Variants in GCNT2 observed in about 807,000 individuals in gnomAD.
GCNT2 encodes glucosaminyl (N-acetyl) transferase 2 (I blood group).
Under a neutral mutation model 34.2 loss-of-function variants are expected in GCNT2, and 34 were observed. The ratio of observed to expected loss-of-function variants is 1.00; its 90% confidence interval spans 0.76 to 1.32. The LOEUF (loss-of-function observed/expected upper bound fraction) is 1.32. Ranked by LOEUF, GCNT2 falls within the 40% of genes most tolerant of loss-of-function variation. The probability of loss-of-function intolerance (pLI) is 0.00; values close to 1 mark genes in which losing one functional copy is unlikely to be tolerated. For synonymous variants in GCNT2, 212 were observed against 188.0 expected, an observed-to-expected ratio of 1.13 and a Z score of -1.04; for missense variants, 584 against 489.4, an observed-to-expected ratio of 1.19 and a Z score of -1.82.
intron 3 of GCNT2, among the ~76,000 whole-genome samples, chr6:10,576,180 A>G (rs554927438): frequency 6.6e-6 from 1 of 152,234 alleles, no homozygotes; most frequent in Non-Finnish European, 1.5e-5. Context: ...ACATTTTCAA[A>G]TGATTGAAAA....
intron 1 of GCNT2, among the ~76,000 whole-genome samples, chr6:10,526,833 G>A (rs1313822120): frequency 6.6e-6 from 1 of 152,200 alleles, no homozygotes; most frequent in Non-Finnish European, 1.5e-5. Context: ...TTAAGAAAAT[G>A]AGCCAGGTGC....
Position 10,574,633 on chromosome 6 carries a change from T to C in GCNT2, c.925+44797T>C, listed in dbSNP as rs531098480. On this transcript the variant is annotated intron_variant, in intron 3 of 4. Transcript: ENST00000495262. ...TAATCTAGAGCAGAGATCAGTGAAC[T>C]ATAGACCATGGGCTAAATCTGCCTA... The C allele has an allele frequency of 4.3e-4, 115 of 265,342 alleles. 3 individuals are homozygous for C. The South Asian group carries it at 5.8e-3, about 13-fold the overall frequency. 16.4% of individuals were successfully genotyped at this position (265,342 alleles called of 1,614,324 possible).
intron 3 of GCNT2, among the ~76,000 whole-genome samples, chr6:10,610,160 TATTATC>T (rs1294163860): frequency 6.6e-6 from 1 of 152,210 alleles, no homozygotes. Flanking sequence ...TGAGCAATGC[TATTATC>T]AACCAGCTTG....
rs749451195 is a variant in GCNT2 at position 10,529,708 on chromosome 6, A to T, written c.797A>T (p.Tyr266Phe). The part of the protein sequence containing the change: ...HDMVIYFGTA[Y>F]VALTRDFANF... Reference sequence around the variant, plus strand: ...ATGGTGATTTACTTTGGCACGGCCTACGTGGCTCTCACAAGGGACTTTGCT... The same window carrying T: ...ATGGTGATTTACTTTGGCACGGCCTTCGTGGCTCTCACAAGGGACTTTGCT... Residue 266 changes from tyrosine to phenylalanine, a missense_variant, in exon 3 of 5, where the codon TAC becomes TTC. By Grantham distance (22) the Tyr-to-Phe change is conservative. Transcript: ENST00000495262. 4 of 1,614,010 alleles carry T rather than the reference A, an allele frequency of 2.5e-6. No homozygotes were observed. Among genetic ancestry groups the T allele is most frequent in the Non-Finnish European group, 3.4e-6 (4 of 1,179,996 alleles).
rs939755165 is a variant in GCNT2, at chr6:10,582,381, ATATT to A, written c.926-38965_926-38962del. On this transcript the variant is annotated intron_variant, in intron 3 of 4. Transcript: ENST00000495262. Reference sequence around the variant, plus strand: ...TAAATATAATATATACTATAATTTAATATTTATTATATACTATAATAAATAGTAT... The same window carrying A: ...TAAATATAATATATACTATAATTTAATATTATATACTATAATAAATAGTAT... Among the ~76,000 whole-genome samples, 32 of 119,036 alleles carry A rather than the reference ATATT, an allele frequency of 2.7e-4. 1 individual carries two copies. The highest frequency in any genetic ancestry group is 6.9e-4 in the African/African-American group (20 of 28,806). The allele number at this position is 119,036 out of a possible 152,430, so 78.1% of individuals were successfully genotyped here. A position where few individuals can be genotyped will look rare whatever the true frequency, so the allele number is the denominator to read the frequency against.
At chr6:10,544,206 T>C (rs1762165674) in intron 3 of GCNT2, among the ~76,000 whole-genome samples, 2 of 150,384 alleles carry the variant, frequency 1.3e-5, no homozygotes, top group East Asian at 2.0e-4. Context: ...CCCAGCTACT[T>C]GGGAGGCTGA....
intron 3 of GCNT2, among the ~76,000 whole-genome samples, chr6:10,584,967 C>T (rs1038847842): frequency 1.3e-5 from 2 of 151,670 alleles, no homozygotes; most frequent in Non-Finnish European, 2.9e-5. Flanking sequence ...TCCTAGGTTC[C>T]TTCCACCCTT....
Position 10,621,456 on chromosome 6 carries a change from T to A in GCNT2, c.1018+13T>A. On this transcript the variant is annotated intron_variant, in intron 4 of 4. Transcript: ENST00000495262. ...GGAGGCTGCCACGGTGAGGCTCTCG[T>A]TCCATGCTTCTAGGCCACTGCCTGT... is the stretch of plus-strand genomic sequence containing the variant. 6.5e-7 allele frequency: 1 copy of A among 1,547,950 alleles called. No individual in the cohort carries two copies. The highest frequency in any genetic ancestry group is 1.1e-5 in the South Asian group (1 of 89,524).
intron 3 of GCNT2, among the ~76,000 whole-genome samples, chr6:10,532,738 C>G (rs529955721): frequency 2.6e-4 from 40 of 152,250 alleles, no homozygotes; most frequent in African/African-American, 9.6e-4. Flanking sequence ...TGAGCCACCA[C>G]ATCGGGCAAG....
At chr6:10,575,689 C>G (rs1019049782) in intron 3 of GCNT2, among the ~76,000 whole-genome samples, 1 of 152,128 alleles carries the variant, frequency 6.6e-6, no homozygotes, top group African/African-American at 2.4e-5. Flanking sequence ...TGATGACATT[C>G]CACCACAAAA....
At chr6:10,562,191 G>A (rs1763016668) in intron 3 of GCNT2, among the ~76,000 whole-genome samples, 1 of 152,074 alleles carries the variant, frequency 6.6e-6, no homozygotes, top group Non-Finnish European at 1.5e-5. Flanking sequence ...CCAGGTCTGA[G>A]GGGCAGTCCT....
intron 3 of GCNT2, among the ~76,000 whole-genome samples, chr6:10,545,344 A>G (rs950881075): frequency 1.3e-5 from 2 of 152,124 alleles, no homozygotes; most frequent in African/African-American, 4.8e-5. Context: ...TTGACCACCT[A>G]GAAACTTTGG....
intron 3 of GCNT2, among the ~76,000 whole-genome samples, chr6:10,583,803 C>T (rs1409201083): frequency 1.3e-5 from 2 of 152,104 alleles, no homozygotes; most frequent in Admixed American, 1.3e-4. Flanking sequence ...GTAGTCACTC[C>T]ACATATTGTA....
At chr6:10,593,813 A>G (rs149996174) in intron 3 of GCNT2, among the ~76,000 whole-genome samples, 15 of 152,206 alleles carry the variant, frequency 9.9e-5, no homozygotes, top group African/African-American at 2.9e-4. Flanking sequence ...TCTCTTCCCT[A>G]TTTCTCTTTA....
intron 4 of GCNT2, 52 bp downstream of exon 4, chr6:10,621,495 A>G (rs1766035328): frequency 8.6e-7 from 1 of 1,158,996 alleles, no homozygotes; most frequent in Non-Finnish European, 1.3e-6. Flanking sequence ...TGTTAGCAGG[A>G]AGGTAGCTGT....
At chr6:10,586,567 A>G in intron 3 of GCNT2, 1 of 1,614,186 alleles carries the variant, frequency 6.2e-7, no homozygotes, top group Non-Finnish European at 8.5e-7. Flanking sequence ...ACCTGTGGAC[A>G]AGACTTCCCC....
At chr6:10,525,706 C>G (rs1761150616) in intron 1 of GCNT2, among the ~76,000 whole-genome samples, 1 of 152,104 alleles carries the variant, frequency 6.6e-6, no homozygotes, top group Non-Finnish European at 1.5e-5. Context: ...TATTCCAGAG[C>G]TCAAAATCAA....
intron 3 of GCNT2, among the ~76,000 whole-genome samples, chr6:10,548,920 G>A (rs563978247): frequency 9.7e-4 from 147 of 152,206 alleles, no homozygotes; most frequent in African/African-American, 3.4e-3. Flanking sequence ...CACCACACCC[G>A]GCTAATTTTT....
intron 3 of GCNT2, among the ~76,000 whole-genome samples, chr6:10,587,280 C>T (rs74499192): frequency 6.6e-6 from 1 of 152,318 alleles, no homozygotes; most frequent in East Asian, 1.9e-4. Flanking sequence ...ATGTTTCTTT[C>T]GGACGGATGT....
Sources: allele counts gnomAD v4.1 joint callset (sites outside exome capture counted in the v4.1 genomes callset), GRCh38; gene constraint gnomAD v4.1.1; transcripts MANE v1.5; gene names NCBI Gene and HGNC (gene_info 2026-07-23, HGNC 2026-07-21).